CIB2: variants seen among roughly 807,000 people sequenced by gnomAD.
CIB2 encodes the protein calcium and integrin-binding family member 2.
Under a neutral mutation model 23.1 loss-of-function variants are expected in CIB2, and 19 were observed. The observed-to-expected ratio is 0.82, with a 90% CI of 0.57 to 1.21. The LOEUF (loss-of-function observed/expected upper bound fraction) is 1.21. CIB2 is among the 50% of genes most tolerant of loss of function. The pLI is 0.00. For missense variants in CIB2, 220 were observed against 241.5 expected, an observed-to-expected ratio of 0.91 and a Z score of 0.59; for synonymous variants, 94 against 91.7, an observed-to-expected ratio of 1.03 and a Z score of -0.14.
chr15:78,106,736 C>T (rs142825647), intron 4 of CIB2, among the ~76,000 whole-genome samples: 207 of 152,300 alleles, frequency 1.4e-3, no homozygotes, highest in African/African-American at 4.7e-3. Context: ...TTGGCTCACA[C>T]ATCACCTCCC....
intron 4 of CIB2, among the ~76,000 whole-genome samples, chr15:78,106,272 C>T (rs748605450): frequency 2.0e-5 from 3 of 152,218 alleles, no homozygotes; most frequent in African/African-American, 4.8e-5. Flanking sequence ...ACCCAGTGTT[C>T]CCTTTAGACT....
chr15:78,125,078 T>TG (rs1486667175), intron 1 of CIB2, among the ~76,000 whole-genome samples: 1 of 152,272 alleles, frequency 6.6e-6, no homozygotes, highest in East Asian at 1.9e-4. Context: ...GGGGTTCTCC[T>TG]GGGGGTCTCA....
In CIB2 at chr15:78,104,980, C is replaced by T. The variant is rs1366977634; in HGVS notation, c.*331G>A. ...ACTTGGACACGTCAGACCCCACCAC[C>T]TCCTGTTGGGTTATCTGCTTTTCCC... On this transcript the variant is annotated 3_prime_UTR_variant, in exon 6 of 6. Transcript: ENST00000258930. This position sits in a 1 kb window ranked among gnomAD's most constrained non-coding sequence, Gnocchi z 4.4. 4 of 363,004 alleles carry T rather than the reference C, an allele frequency of 1.1e-5. No homozygotes were observed. The highest frequency in any genetic ancestry group is 6.4e-5 in the African/African-American group (3 of 46,718). 22.5% of individuals were successfully genotyped at this position (363,004 alleles called of 1,614,324 possible). A position where few individuals can be genotyped will look rare whatever the true frequency, so the allele number is the denominator to read the frequency against.
intron 4 of CIB2, among the ~76,000 whole-genome samples, chr15:78,107,529 C>T (rs562663086): frequency 1.4e-3 from 206 of 152,252 alleles, no homozygotes; most frequent in African/African-American, 4.7e-3. Flanking sequence ...CAAATGAGGC[C>T]CCAGGCCTCC....
chr15:78,105,710 C>A (rs201900500), intron 5 of CIB2, 29 bp downstream of exon 5: 4 of 1,613,368 alleles, frequency 2.5e-6, no homozygotes, highest in Non-Finnish European at 3.4e-6. Flanking sequence ...CTCTGCCCTG[C>A]CCAAGCCCGG....
At chr15:78,126,885 G>C (rs1302284842) in intron 1 of CIB2, among the ~76,000 whole-genome samples, 1 of 152,228 alleles carries the variant, frequency 6.6e-6, no homozygotes, top group African/African-American at 2.4e-5. Flanking sequence ...TGCACAGGTA[G>C]TGAATATGGC....
intron 1 of CIB2, among the ~76,000 whole-genome samples, chr15:78,127,591 T>C (rs566644814): frequency 6.6e-6 from 1 of 151,688 alleles, no homozygotes; most frequent in East Asian, 1.9e-4. Context: ...CTCCAGGTTG[T>C]CCAAACCCTT....
intron 2 of CIB2, among the ~76,000 whole-genome samples, chr15:78,121,216 ACCCAG>A (rs1173922706): frequency 6.6e-6 from 1 of 152,002 alleles, no homozygotes; most frequent in African/African-American, 2.4e-5. Flanking sequence ...TAACACCATC[ACCCAG>A]CCCTCCCAGA....
intron 3 of CIB2, 129 bp downstream of exon 3, chr15:78,111,036 G>A: frequency 1.3e-6 from 1 of 769,884 alleles, no homozygotes; most frequent in South Asian, 1.4e-5. Flanking sequence ...GGCACAGAGA[G>A]GTTCTGTGAT....
intron 1 of CIB2, among the ~76,000 whole-genome samples, chr15:78,126,707 G>T (rs972559191): frequency 6.6e-6 from 1 of 152,228 alleles, no homozygotes; most frequent in Non-Finnish European, 1.5e-5. Flanking sequence ...TTCAGTGGCT[G>T]CAGAGTCCCT....
At chr15:78,111,339 T>C in intron 2 of CIB2, 63 bp from the exon 3 acceptor site, 1 of 1,363,994 alleles carries the variant, frequency 7.3e-7, no homozygotes, top group Non-Finnish European at 1.0e-6. Context: ...AGCAGCCCGG[T>C]GCTGTCCTGC....
intron 2 of CIB2, among the ~76,000 whole-genome samples, chr15:78,122,888 CT>C (rs1306250487): frequency 6.6e-6 from 1 of 152,212 alleles, no homozygotes; most frequent in Non-Finnish European, 1.5e-5. Flanking sequence ...TGCAGCACAG[CT>C]CTCTTGGGAA....
chr15:78,126,479 G>A (rs1183236252), intron 1 of CIB2, among the ~76,000 whole-genome samples: 1 of 152,008 alleles, frequency 6.6e-6, no homozygotes, highest in Non-Finnish European at 1.5e-5. Flanking sequence ...AGACCTTGGG[G>A]CCCTCACTGG....
rs773443864 is a variant in CIB2 at position 78,109,338 on chromosome 15, A to G, written c.243T>C (p.Asp81=). ...CGTTGAAAGTGAGGTTCCCCTCACCATCCTCGGAAAACGCCGCCACGATCC... is the reference window on the plus strand; with the variant it reads ...CGTTGAAAGTGAGGTTCCCCTCACCGTCCTCGGAAAACGCCGCCACGATCC... ...KERIVAAFSE[D]GEGNLTFNDF... Residue 81 remains aspartate, a synonymous_variant, in exon 4 of 6, where the codon GAT becomes GAC. Transcript: ENST00000258930. The G allele has an allele frequency of 8.1e-6, 13 of 1,614,072 alleles. No homozygotes were observed. The highest frequency in any genetic ancestry group is 1.0e-5 in the Non-Finnish European group (12 of 1,180,018).
At position 78,105,309 on chromosome 15, in the gene CIB2, C is replaced by T; in HGVS notation, c.*2G>A. The stretch of plus-strand genomic sequence containing the variant: ...TAGGCCCCTACAGCCTCGGCAGTGT[C>T]CTCAGATCCGGATGTGGAAAGTGCT... On this transcript the variant is annotated 3_prime_UTR_variant, in exon 6 of 6. Transcript: ENST00000258930. The T allele has an allele frequency of 6.2e-7, 1 of 1,614,016 alleles. No individual in the cohort carries two copies.
At chr15:78,129,802 C>A (rs2074430255) in intron 1 of CIB2, among the ~76,000 whole-genome samples, 1 of 152,194 alleles carries the variant, frequency 6.6e-6, no homozygotes, top group Admixed American at 6.5e-5. Context: ...CCTGTGTGAG[C>A]CCTGAATGGC....
chr15:78,108,992 C>A (rs2074111968), intron 4 of CIB2, among the ~76,000 whole-genome samples: 1 of 152,250 alleles, frequency 6.6e-6, no homozygotes, highest in Admixed American at 6.5e-5. Context: ...ACCCCTCTCA[C>A]ACTAACCACC....
At chr15:78,126,518 C>G (rs1226668554) in intron 1 of CIB2, among the ~76,000 whole-genome samples, 7 of 152,212 alleles carry the variant, frequency 4.6e-5, no homozygotes, top group Admixed American at 4.6e-4. Flanking sequence ...AAAAGATCCT[C>G]TGTGCTTCTT....
At chr15:78,109,455 A>G in intron 3 of CIB2, 73 bp from the exon 4 acceptor site, 2 of 1,582,944 alleles carry the variant, frequency 1.3e-6, no homozygotes, top group Non-Finnish European at 1.7e-6. Context: ...GACTGTGGAC[A>G]GCCTGTGTGA....
Sources: gnomAD v4.1 joint callset for allele counts (sites outside exome capture counted in the v4.1 genomes callset) on GRCh38, gnomAD v4.1.1 for gene constraint, Gnocchi (gnomAD v3.1) non-coding constraint, MANE v1.5 for transcripts, NCBI Gene and HGNC (gene_info 2026-07-23, HGNC 2026-07-21) for gene names.